The following RNF170 variants were observed in gnomAD, a reference collection of about 807,000 sequenced individuals.
The protein encoded by RNF170 is E3 ubiquitin-protein ligase RNF170.
RNF170 carries 12 observed loss-of-function variants against 32.7 expected under a neutral mutation model. That is an observed-to-expected ratio of 0.37 (90% CI 0.24 to 0.60). The LOEUF is 0.60. Ranked by LOEUF, RNF170 falls within the 20% of genes least tolerant of loss-of-function variation. The probability of loss-of-function intolerance (pLI) is 0.72; values close to 1 mark genes in which losing one functional copy is unlikely to be tolerated. For synonymous variants in RNF170, 91 were observed against 103.6 expected, an observed-to-expected ratio of 0.88 and a Z score of 0.74; for missense variants, 212 against 311.2, an observed-to-expected ratio of 0.68 and a Z score of 2.40.
chr8:42,877,350 T>C (rs888831009), intron 2 of RNF170, among the ~76,000 whole-genome samples: 1 of 152,072 alleles, frequency 6.6e-6, no homozygotes, highest in African/African-American at 2.4e-5. Context: ...ATATTTTTAG[T>C]AGAGTTGGGG....
intron 5 of RNF170, among the ~76,000 whole-genome samples, chr8:42,862,083 A>G (rs1256792287): frequency 1.3e-5 from 2 of 152,218 alleles, no homozygotes; most frequent in Non-Finnish European, 2.9e-5. Flanking sequence ...CTACTGGCCT[A>G]ATATTTTCCT....
In RNF170 at chr8:42,855,593, CTTCT is replaced by C; in HGVS notation, c.*562_*565del. On this transcript the variant is annotated 3_prime_UTR_variant, in exon 7 of 7. Transcript: ENST00000527424. ...ATATCGAAGTATGAAGTTCAAGTTT[CTTCT>C]TTCAGTTTCAGCTGATAGCAAATAA... 1 of 1,276,436 alleles carries C rather than the reference CTTCT, an allele frequency of 7.8e-7. No homozygotes were observed. The highest frequency in any genetic ancestry group is 3.3e-4 in the Middle Eastern group (1 of 3,048). 79.1% of individuals were successfully genotyped at this position (1,276,436 alleles called of 1,614,324 possible).
intron 6 of RNF170, 122 bp downstream of exon 6, chr8:42,861,623 G>A (rs753578970): frequency 1.5e-5 from 12 of 802,352 alleles, no homozygotes; most frequent in East Asian, 1.1e-4. Context: ...GATTATAGGC[G>A]TTAGCTACTG....
chr8:42,853,259 G>C (rs980309885), downstream of RNF170: 2 of 1,035,806 alleles, frequency 1.9e-6, no homozygotes, highest in Non-Finnish European at 1.2e-6. Context: ...AGTTCTGAAA[G>C]CAAACAACTG....
intron 2 of RNF170, among the ~76,000 whole-genome samples, chr8:42,885,220 C>T (rs1039909139): frequency 6.6e-6 from 1 of 152,070 alleles, no homozygotes; most frequent in African/African-American, 2.4e-5. Context: ...GCAGAATTTC[C>T]TTCCTTCTCA....
At chr8:42,850,528 G>A (rs939264758), downstream of RNF170, 2 of 502,776 alleles carry the variant, frequency 4.0e-6, no homozygotes, top group Non-Finnish European at 3.6e-6. Context: ...AATCTTTAAT[G>A]TGTTGAGCAC....
At chr8:42,851,067 C>G, downstream of RNF170, 1 of 1,537,048 alleles carries the variant, frequency 6.5e-7, no homozygotes, top group South Asian at 1.2e-5. Context: ...GCACGTAAAT[C>G]CAAATCAACA....
chr8:42,893,619 C>G (rs186075110), intron 1 of RNF170, among the ~76,000 whole-genome samples: 30 of 152,278 alleles, frequency 2.0e-4, no homozygotes, highest in Non-Finnish European at 4.1e-4. Context: ...GAAGGTAAGG[C>G]ATTTAGCATA....
At chr8:42,858,805 T>G (rs915534670) in intron 6 of RNF170, among the ~76,000 whole-genome samples, 3 of 152,072 alleles carry the variant, frequency 2.0e-5, no homozygotes. Flanking sequence ...AGGGTGGTGA[T>G]TGAGGCGGTT....
intron 6 of RNF170, among the ~76,000 whole-genome samples, 176 bp from the exon 7 acceptor site, chr8:42,856,604 C>T (rs1031642652): frequency 6.6e-6 from 1 of 152,122 alleles, no homozygotes; most frequent in African/African-American, 2.4e-5. Flanking sequence ...AATACTAGTT[C>T]TTACAGAATA....
rs1029064635 is a variant in RNF170, at chr8:42,854,212, C to T, written c.*1947G>A. The T allele has an allele frequency of 1.2e-5, 15 of 1,287,106 alleles. 1 individual carries two copies. The Admixed American group carries it at 2.3e-4, about 20-fold the overall frequency. The allele number at this position is 1,287,106 out of a possible 1,614,324, so 79.7% of individuals were successfully genotyped here. A position where few individuals can be genotyped will look rare whatever the true frequency, so the allele number is the denominator to read the frequency against. ...TTCCTCTTAGGAGTGCCTAAGCTGT[C>T]TTACTCTGATGGAGGTATAATGTAG... On this transcript the variant is annotated 3_prime_UTR_variant, in exon 7 of 7. Transcript: ENST00000527424.
intron 1 of RNF170, among the ~76,000 whole-genome samples, chr8:42,891,821 A>C (rs1806326658): frequency 6.6e-6 from 1 of 152,246 alleles, no homozygotes; most frequent in Admixed American, 6.5e-5. Flanking sequence ...GGAATAGAGA[A>C]AAAGCCACAT....
At chr8:42,850,594 A>C, downstream of RNF170, 1 of 671,274 alleles carries the variant, frequency 1.5e-6, no homozygotes, top group Non-Finnish European at 2.5e-6. Context: ...GACAAAACTA[A>C]CATTGTCTCT....
chr8:42,863,041 G>A (rs1359298774), intron 5 of RNF170, among the ~76,000 whole-genome samples: 1 of 152,186 alleles, frequency 6.6e-6, no homozygotes, highest in Non-Finnish European at 1.5e-5. Flanking sequence ...TGGTGTGCAC[G>A]CATTCAAGGG....
intron 2 of RNF170, among the ~76,000 whole-genome samples, chr8:42,886,442 A>G (rs1305953798): frequency 1.3e-5 from 2 of 152,132 alleles, no homozygotes; most frequent in African/African-American, 4.8e-5. Flanking sequence ...TTATCACTCT[A>G]TAAAATACCC....
Position 42,854,044 on chromosome 8 carries a change from T to C in RNF170, c.*2115A>G. ...GGTAGGAAATGCATTTCCAGTCTGG[T>C]ACATGGCAGTGTGACAAACTCCTAC... On this transcript the variant is annotated 3_prime_UTR_variant, in exon 7 of 7. Transcript: ENST00000527424. 7.8e-7 allele frequency: 1 copy of C among 1,287,262 alleles called. No individual in the cohort carries two copies. Among genetic ancestry groups the C allele is most frequent in the Non-Finnish European group, 1.0e-6 (1 of 988,700 alleles). 79.7% of individuals were successfully genotyped at this position (1,287,262 alleles called of 1,614,324 possible).
At chr8:42,869,557 C>T (rs141429440) in intron 4 of RNF170, among the ~76,000 whole-genome samples, 145 of 152,276 alleles carry the variant, frequency 9.5e-4, no homozygotes, top group African/African-American at 3.3e-3. Context: ...AGTACAAACT[C>T]AGAGTCAAAA....
At chr8:42,860,296 A>G (rs1178688011) in intron 6 of RNF170, among the ~76,000 whole-genome samples, 1 of 152,230 alleles carries the variant, frequency 6.6e-6, no homozygotes, top group Non-Finnish European at 1.5e-5. Flanking sequence ...TTTTGATAAA[A>G]CAAGAATGAG....
At chr8:42,870,865 T>A (rs544049432) in intron 3 of RNF170, among the ~76,000 whole-genome samples, 1 of 152,190 alleles carries the variant, frequency 6.6e-6, no homozygotes, top group Non-Finnish European at 1.5e-5. Context: ...GGATGGATCA[T>A]GAGGGCAAGG....
Sources: allele counts gnomAD v4.1 joint callset (sites outside exome capture counted in the v4.1 genomes callset), GRCh38; gene constraint gnomAD v4.1.1; transcripts MANE v1.5; gene names NCBI Gene and HGNC (gene_info 2026-07-23, HGNC 2026-07-21).